Variants in TAF3 observed in about 807,000 individuals in gnomAD.
The protein encoded by TAF3 is transcription initiation factor TFIID subunit 3.
TAF3 carries 7 observed loss-of-function variants against 80.6 expected under a neutral mutation model. The ratio of observed to expected loss-of-function variants is 0.09; its 90% confidence interval spans 0.05 to 0.16. The LOEUF (loss-of-function observed/expected upper bound fraction) is 0.16. Among genes scored for constraint, TAF3 ranks in the 10% least tolerant of loss-of-function variants. TAF3 has a pLI of 1.00. For synonymous variants in TAF3, 444 were observed against 446.1 expected, an observed-to-expected ratio of 1.00 and a Z score of 0.06; for missense variants, 921 against 1,140.2, an observed-to-expected ratio of 0.81 and a Z score of 2.77.
chr10:7,958,908 G>C (rs1052364434), intron 2 of TAF3, among the ~76,000 whole-genome samples: 2 of 152,182 alleles, frequency 1.3e-5, no homozygotes, highest in African/African-American at 4.8e-5. Context: ...GCTGAGGTGG[G>C]CGGATCACAA....
At chr10:7,927,952 CA>C (rs1837830768) in intron 2 of TAF3, among the ~76,000 whole-genome samples, 3 of 135,668 alleles carry the variant, frequency 2.2e-5, no homozygotes, top group East Asian at 4.7e-4. Context: ...AAAATCTGGA[CA>C]TTGTTTTTTT....
At chr10:7,926,725 TC>T (rs1340558694) in intron 2 of TAF3, among the ~76,000 whole-genome samples, 1 of 152,204 alleles carries the variant, frequency 6.6e-6, no homozygotes, top group Non-Finnish European at 1.5e-5. Flanking sequence ...CTTTTTTTCT[TC>T]CTTTTTAGAA....
At chr10:7,987,416 A>G (rs1831789449) in intron 4 of TAF3, among the ~76,000 whole-genome samples, 1 of 152,148 alleles carries the variant, frequency 6.6e-6, no homozygotes, top group African/African-American at 2.4e-5. Flanking sequence ...CCATGTCTGT[A>G]TGACATGGTA....
intron 1 of TAF3, among the ~76,000 whole-genome samples, chr10:7,823,016 G>A (rs528919334): frequency 6.6e-6 from 1 of 152,272 alleles, no homozygotes; most frequent in East Asian, 1.9e-4. Flanking sequence ...AGAAGGTGAA[G>A]GTAGGAGGAT....
chr10:7,926,910 T>C (rs1178368327), intron 2 of TAF3, among the ~76,000 whole-genome samples: 3 of 152,212 alleles, frequency 2.0e-5, no homozygotes, highest in African/African-American at 7.2e-5. Flanking sequence ...AAGAGTATTT[T>C]ACTGTTTGGT....
chr10:7,883,594 T>C (rs536084887), intron 2 of TAF3, among the ~76,000 whole-genome samples: 138 of 152,354 alleles, frequency 9.1e-4, no homozygotes, highest in African/African-American at 3.2e-3. Flanking sequence ...TTATCATCCA[T>C]TGGTGATCTT....
intron 2 of TAF3, among the ~76,000 whole-genome samples, chr10:7,865,537 C>G (rs930019974): frequency 2.6e-5 from 4 of 152,080 alleles, no homozygotes; most frequent in African/African-American, 9.7e-5. Context: ...AGCAAGCTGC[C>G]TAGAAACCTT....
At chr10:7,946,490 G>A (rs563949144) in intron 2 of TAF3, among the ~76,000 whole-genome samples, 2 of 152,344 alleles carry the variant, frequency 1.3e-5, no homozygotes, top group East Asian at 1.9e-4. Context: ...TTGGGAGGCC[G>A]AGGCAGGCAG....
rs1240255004 is a variant in TAF3, at chr10:7,964,707, T to C, written c.1197T>C (p.Cys399=). The change falls in exon 3 of 7, where the codon TGT becomes TGC. Residue 399 remains cysteine, a synonymous_variant. Transcript: ENST00000344293. The surrounding 1 kb of genome is among the most constrained non-coding windows in gnomAD (Gnocchi z 4.1). ...TCGATGCTGTGATTGCACGAGCCTG[T>C]GCTGAGCGAGAGCCAGATCCTTTCG... ...ASIDAVIARA[C]AEREPDPFEF... The C allele has an allele frequency of 1.9e-6, 3 of 1,614,112 alleles. No homozygotes were observed. The highest frequency in any genetic ancestry group is 2.5e-6 in the Non-Finnish European group (3 of 1,180,050).
At chr10:7,838,457 C>T (rs1467892699) in intron 2 of TAF3, among the ~76,000 whole-genome samples, 2 of 152,180 alleles carry the variant, frequency 1.3e-5, no homozygotes, top group East Asian at 1.9e-4. Context: ...TCTCGACTCA[C>T]TGCAACCTCT....
chr10:7,944,394 A>G (rs1838005303), intron 2 of TAF3, among the ~76,000 whole-genome samples: 1 of 152,224 alleles, frequency 6.6e-6, no homozygotes, highest in Non-Finnish European at 1.5e-5. Flanking sequence ...GTTAGTCAGT[A>G]AGACCATCAA....
At chr10:7,876,605 C>T (rs1050867164) in intron 2 of TAF3, among the ~76,000 whole-genome samples, 2 of 152,002 alleles carry the variant, frequency 1.3e-5, no homozygotes, top group African/African-American at 4.8e-5. Flanking sequence ...AGGTGAGCAC[C>T]GTATACAGAA....
intron 2 of TAF3, among the ~76,000 whole-genome samples, chr10:7,922,262 G>T (rs1837769542): frequency 6.6e-6 from 1 of 151,982 alleles, no homozygotes; most frequent in Non-Finnish European, 1.5e-5. Flanking sequence ...TTGTGAAAAG[G>T]TTTTAGACTA....
chr10:8,001,108 CA>C (rs1409638321), intron 4 of TAF3, among the ~76,000 whole-genome samples: 1 of 152,182 alleles, frequency 6.6e-6, no homozygotes, highest in African/African-American at 2.4e-5. Flanking sequence ...CAGCCATAGA[CA>C]GTGCTACAAA....
At chr10:7,905,812 G>C (rs974410535) in intron 2 of TAF3, among the ~76,000 whole-genome samples, 1 of 152,066 alleles carries the variant, frequency 6.6e-6, no homozygotes, top group Non-Finnish European at 1.5e-5. Context: ...GAACCCGGGA[G>C]GTGGAGGTTG....
chr10:8,004,904 C>G (rs1831977476), intron 4 of TAF3, among the ~76,000 whole-genome samples: 1 of 152,194 alleles, frequency 6.6e-6, no homozygotes, highest in Non-Finnish European at 1.5e-5. Flanking sequence ...TATGATCAAA[C>G]ATGCACTAAT....
intron 2 of TAF3, among the ~76,000 whole-genome samples, chr10:7,920,003 TAGG>T: frequency 1.3e-5 from 2 of 152,068 alleles, no homozygotes; most frequent in Non-Finnish European, 2.9e-5. Context: ...CCCAGTGTTT[TAGG>T]AGGGTGAGGC....
At chr10:7,971,244 T>C (rs1248889303) in intron 3 of TAF3, among the ~76,000 whole-genome samples, 1 of 152,174 alleles carries the variant, frequency 6.6e-6, no homozygotes, top group Non-Finnish European at 1.5e-5. Flanking sequence ...ACTTAGACTG[T>C]GTTTCTAAAT....
intron 2 of TAF3, among the ~76,000 whole-genome samples, chr10:7,871,766 CA>C (rs1837269238): frequency 1.3e-5 from 2 of 152,092 alleles, no homozygotes; most frequent in South Asian, 4.1e-4. Context: ...TTTGACATGA[CA>C]TTATATGCAT....
Sources: gnomAD v4.1 joint callset for allele counts (sites outside exome capture counted in the v4.1 genomes callset) on GRCh38, gnomAD v4.1.1 for gene constraint, Gnocchi (gnomAD v3.1) non-coding constraint, MANE v1.5 for transcripts, NCBI Gene and HGNC (gene_info 2026-07-23, HGNC 2026-07-21) for gene names.